Variants in CPPED1 observed in about 807,000 individuals in gnomAD.
CPPED1 encodes serine/threonine-protein phosphatase CPPED1.
A neutral mutation model predicts 28.0 loss-of-function variants in CPPED1; 28 were observed. The observed-to-expected ratio is 1.00, with a 90% CI of 0.74 to 1.37. The LOEUF is 1.37. Ranked by LOEUF, CPPED1 falls within the 40% of genes most tolerant of loss-of-function variation. The probability of loss-of-function intolerance (pLI) is 0.00; values close to 1 mark genes in which losing one functional copy is unlikely to be tolerated. For missense variants in CPPED1, 504 were observed against 416.5 expected, an observed-to-expected ratio of 1.21 and a Z score of -1.83; for synonymous variants, 198 against 180.2, an observed-to-expected ratio of 1.10 and a Z score of -0.79.
chr16:12,741,384 G>C (rs979131868), intron 2 of CPPED1, among the ~76,000 whole-genome samples: 2 of 150,986 alleles, frequency 1.3e-5, no homozygotes, highest in Non-Finnish European at 2.9e-5. Context: ...TGAGTGGAGA[G>C]AGATGTCAGA....
intron 2 of CPPED1, among the ~76,000 whole-genome samples, chr16:12,764,845 G>A (rs930330428): frequency 1.3e-5 from 2 of 152,196 alleles, no homozygotes. Context: ...CACCGTATTT[G>A]TTTCTTGCTA....
intron 2 of CPPED1, among the ~76,000 whole-genome samples, chr16:12,777,342 G>T (rs1337605194): frequency 2.6e-5 from 4 of 152,192 alleles, no homozygotes; most frequent in African/African-American, 9.7e-5. Flanking sequence ...ATCATGTTCT[G>T]ATTTGTCAGC....
intron 3 of CPPED1, among the ~76,000 whole-genome samples, chr16:12,669,936 A>C (rs1313922087): frequency 1.3e-5 from 2 of 152,226 alleles, no homozygotes; most frequent in Non-Finnish European, 2.9e-5. Context: ...CAGGATTCCC[A>C]ATGGCCAAAG....
At chr16:12,671,439 A>G (rs1342047999) in intron 3 of CPPED1, among the ~76,000 whole-genome samples, 1 of 151,218 alleles carries the variant, frequency 6.6e-6, no homozygotes, top group Non-Finnish European at 1.5e-5. Context: ...AAGGGGAGAG[A>G]AAAAAAAAGG....
intron 3 of CPPED1, among the ~76,000 whole-genome samples, chr16:12,691,791 A>T (rs1457605022): frequency 1.3e-4 from 14 of 109,724 alleles, no homozygotes; most frequent in African/African-American, 5.2e-4. Flanking sequence ...GAAGGGGAAC[A>T]TCACACGCTG....
chr16:12,728,738 A>G (rs1446822800), intron 2 of CPPED1, among the ~76,000 whole-genome samples: 1 of 152,178 alleles, frequency 6.6e-6, no homozygotes, highest in Non-Finnish European at 1.5e-5. Context: ...GTACAACGAC[A>G]TCAAATGAAG....
intron 1 of CPPED1, among the ~76,000 whole-genome samples, chr16:12,793,900 G>C (rs1432527036): frequency 6.6e-6 from 1 of 152,184 alleles, no homozygotes; most frequent in Non-Finnish European, 1.5e-5. Flanking sequence ...CCGCCTGCAG[G>C]CTTTCTAGCT....
intron 2 of CPPED1, among the ~76,000 whole-genome samples, chr16:12,748,755 C>A (rs571276027): frequency 6.6e-6 from 1 of 151,766 alleles, no homozygotes; most frequent in Non-Finnish European, 1.5e-5. Flanking sequence ...TGGTGGTGCA[C>A]GCCTATAATC....
chr16:12,701,849 C>G (rs2080022402), intron 3 of CPPED1, among the ~76,000 whole-genome samples: 2 of 152,218 alleles, frequency 1.3e-5, no homozygotes, highest in South Asian at 4.1e-4. Context: ...CAAGTGCCTT[C>G]AGCTAGCGAG....
At chr16:12,763,599 T>C (rs763064017) in intron 2 of CPPED1, among the ~76,000 whole-genome samples, 2 of 152,222 alleles carry the variant, frequency 1.3e-5, no homozygotes, top group Non-Finnish European at 2.9e-5. Flanking sequence ...AAACCTATGA[T>C]GCGAGTACCA....
chr16:12,690,255 T>A (rs1021299654), intron 3 of CPPED1, among the ~76,000 whole-genome samples: 1 of 152,184 alleles, frequency 6.6e-6, no homozygotes, highest in African/African-American at 2.4e-5. Flanking sequence ...CTCATGCGTA[T>A]AACCACAGCA....
chr16:12,668,604 A>C (rs897870574), intron 3 of CPPED1, among the ~76,000 whole-genome samples: 2 of 152,230 alleles, frequency 1.3e-5, no homozygotes, highest in Non-Finnish European at 2.9e-5. Context: ...ATAAGGGTCT[A>C]ATACCCAGAA....
intron 2 of CPPED1, chr16:12,760,942 T>C (rs2080405631): frequency 6.6e-6 from 1 of 152,080 alleles, no homozygotes; most frequent in Admixed American, 6.5e-5. Context: ...GACAGATCAT[T>C]TTGTACTACG....
chr16:12,731,225 C>A (rs2080195527), intron 2 of CPPED1, among the ~76,000 whole-genome samples: 1 of 150,124 alleles, frequency 6.7e-6, no homozygotes, highest in South Asian at 2.1e-4. Context: ...GCGATCTCGG[C>A]TCACTGCAAG....
intron 3 of CPPED1, among the ~76,000 whole-genome samples, chr16:12,702,071 T>C (rs562738910): frequency 6.6e-6 from 1 of 152,192 alleles, no homozygotes; most frequent in South Asian, 2.1e-4. Context: ...GCCATTCTGG[T>C]TTGTAGCTAT....
chr16:12,792,193 T>C (rs951771130), intron 1 of CPPED1, among the ~76,000 whole-genome samples: 2 of 152,134 alleles, frequency 1.3e-5, no homozygotes, highest in South Asian at 2.1e-4. Flanking sequence ...CTTCAAGTGA[T>C]CCACTTGCCT....
intron 3 of CPPED1, among the ~76,000 whole-genome samples, chr16:12,703,128 C>T (rs142017385): frequency 2.0e-5 from 3 of 152,314 alleles, no homozygotes; most frequent in Non-Finnish European, 2.9e-5. Context: ...GGTGCTCATG[C>T]CGCCTTGACG....
At chr16:12,729,394 T>C (rs922439218) in intron 2 of CPPED1, among the ~76,000 whole-genome samples, 2 of 152,222 alleles carry the variant, frequency 1.3e-5, no homozygotes, top group Non-Finnish European at 2.9e-5. Flanking sequence ...GTCCATATAA[T>C]TGTATACAAA....
intron 3 of CPPED1, among the ~76,000 whole-genome samples, chr16:12,689,419 G>A (rs2079950840): frequency 2.8e-5 from 3 of 108,170 alleles, no homozygotes. Context: ...TTGTAGAGAT[G>A]GGGTCTTGCT....
Sources: allele counts gnomAD v4.1 joint callset (sites outside exome capture counted in the v4.1 genomes callset), GRCh38; gene constraint gnomAD v4.1.1; transcripts MANE v1.5; gene names NCBI Gene and HGNC (gene_info 2026-07-23, HGNC 2026-07-21).